The following OTOGL variants were observed in gnomAD, a reference collection of about 807,000 sequenced individuals.
OTOGL encodes the protein otogelin like.
In OTOGL, 285 loss-of-function variants were observed where a neutral mutation model predicts 318.5. The ratio of observed to expected loss-of-function variants is 0.89; its 90% CI spans 0.81 to 0.99. The LOEUF (loss-of-function observed/expected upper bound fraction) is 0.99, where lower values mean the gene tolerates loss of function less well. Ranked by LOEUF, OTOGL falls within the 50% of genes least tolerant of loss-of-function variation. The probability of loss-of-function intolerance (pLI) is 0.00; values close to 1 mark genes in which losing one functional copy is unlikely to be tolerated. For synonymous variants in OTOGL, 987 were observed against 936.5 expected (o/e 1.05, Z -0.99); for missense variants, 2,899 against 2,845.6 (o/e 1.02, Z -0.43).
At chr12:80,242,353 G>A (rs1880454504) in intron 11 of OTOGL, among the ~76,000 whole-genome samples, 1 of 152,134 alleles carries the variant, frequency 6.6e-6, no homozygotes, top group Non-Finnish European at 1.5e-5. Flanking sequence ...TTGTGGTAGA[G>A]AGGCTGGGTT....
At position 80,353,418 on chromosome 12, in the gene OTOGL, C is replaced by A; in HGVS notation, c.5501C>A (p.Ser1834Tyr). Residue 1834 changes from serine to tyrosine, a missense_variant, in exon 46 of 59, where the codon TCC (serine) becomes TAC (tyrosine). Around this residue, in one of 3 missense-constraint regions of OTOGL, gnomAD observed 2,607 missense variants for 2,524.9 expected, o/e 1.03. Coordinates refer to ENST00000547103, the MANE Select transcript of OTOGL (RefSeq NM_001378609.3). Reference protein sequence around the residue: ...CLNQWFYGHTSCLNLREDCVC... With the variant: ...CLNQWFYGHTYCLNLREDCVC... ...AACCAATGGTTCTATGGACACACTT[C>A]CTGTTTGAATCTAAGAGAAGACTGT... is the stretch of plus-strand genomic sequence containing the variant. 1 of 1,603,838 alleles carries A rather than the reference C, an allele frequency of 6.2e-7. No individual in the cohort carries two copies. The highest frequency in any genetic ancestry group is 8.5e-7 in the Non-Finnish European group (1 of 1,174,708).
chr12:80,213,212 T>C (rs914823763), intron 4 of OTOGL, among the ~76,000 whole-genome samples: 6 of 152,234 alleles, frequency 3.9e-5, no homozygotes, highest in African/African-American at 4.8e-5. Flanking sequence ...TTTTAGACTA[T>C]ATAGGGTAAC....
chr12:80,305,307 G>A (rs1009542899), intron 28 of OTOGL, among the ~76,000 whole-genome samples: 3 of 152,064 alleles, frequency 2.0e-5, no homozygotes, highest in African/African-American at 7.2e-5. Context: ...AGTTATTTAT[G>A]TTATTAGTTG....
At chr12:80,167,697 A>T (rs960163049) in intron 1 of OTOGL, among the ~76,000 whole-genome samples, 7 of 152,146 alleles carry the variant, frequency 4.6e-5, no homozygotes, top group African/African-American at 1.7e-4. Flanking sequence ...AAGCTATAAA[A>T]TAATGGTGAA....
intron 1 of OTOGL, among the ~76,000 whole-genome samples, chr12:80,115,946 G>A (rs1870133024): frequency 6.6e-6 from 1 of 152,154 alleles, no homozygotes; most frequent in African/African-American, 2.4e-5. Context: ...TGCTGTGCTG[G>A]CAGCGAGAAT....
At position 80,244,944 on chromosome 12, in the gene OTOGL, T is replaced by C. The variant is rs200704362; in HGVS notation, c.1052+5505T>C. Among the ~76,000 whole-genome samples, 27 of 148,806 alleles carry C rather than the reference T, an allele frequency of 1.8e-4. No individual in the cohort carries two copies. The East Asian group carries it at 5.0e-3, about 28-fold the overall frequency. On this transcript the variant is annotated intron_variant, in intron 11 of 58. Coordinates refer to ENST00000547103, the MANE Select transcript of OTOGL (RefSeq NM_001378609.3). ...GATGATGAGCATTTTTTCATGTGTT[T>C]TTTGGCTGCATAAATGTCTTCTTTT...
At chr12:80,235,286 G>A (rs187336557) in intron 9 of OTOGL, among the ~76,000 whole-genome samples, 2 of 151,956 alleles carry the variant, frequency 1.3e-5, no homozygotes, top group African/African-American at 4.8e-5. Flanking sequence ...CCAACATGGT[G>A]AAACCCTGTC....
intron 11 of OTOGL, among the ~76,000 whole-genome samples, chr12:80,250,614 AT>A (rs1439530968): frequency 2.6e-5 from 4 of 152,068 alleles, no homozygotes; most frequent in African/African-American, 9.7e-5. Context: ...TAGAGTTTAT[AT>A]GCTCAGTCCT....
At chr12:80,144,204 C>G (rs1449131340) in intron 1 of OTOGL, among the ~76,000 whole-genome samples, 1 of 152,132 alleles carries the variant, frequency 6.6e-6, no homozygotes, top group Non-Finnish European at 1.5e-5. Context: ...TATCCCTTCC[C>G]ACTCCCCCCA....
At chr12:80,128,338 G>T (rs1216042888) in intron 1 of OTOGL, among the ~76,000 whole-genome samples, 1 of 152,226 alleles carries the variant, frequency 6.6e-6, no homozygotes, top group Non-Finnish European at 1.5e-5. Flanking sequence ...TTCAGCAGCG[G>T]AGGCTGCAGA....
intron 17 of OTOGL, among the ~76,000 whole-genome samples, chr12:80,256,965 AT>A (rs1284147216): frequency 6.6e-6 from 1 of 152,064 alleles, no homozygotes; most frequent in Non-Finnish European, 1.5e-5. Context: ...CCAGAACTAA[AT>A]TGGTTTTGCT....
intron 26 of OTOGL, among the ~76,000 whole-genome samples, chr12:80,291,223 A>G (rs1343274900): frequency 2.0e-5 from 3 of 152,218 alleles, no homozygotes; most frequent in Non-Finnish European, 2.9e-5. Flanking sequence ...AAGACGTACC[A>G]TAGTTTCTTT....
rs567368119 is a variant in OTOGL at position 80,271,211 on chromosome 12, A to G, written c.2519-437A>G. Among the ~76,000 whole-genome samples the G allele has an allele frequency of 6.6e-5, 10 of 152,152 alleles. No individual in the cohort carries two copies. In the East Asian group the frequency reaches 1.9e-3, roughly 30 times the overall value. The stretch of plus-strand genomic sequence containing the variant: ...GATTTTATCCCTTTGGCCCCACTTG[A>G]GGCAATTTATTTGATCTCTAAGAGC... On this transcript the variant is annotated intron_variant, in intron 23 of 58. Transcript: ENST00000547103.
chr12:80,233,557 A>C (rs1879570358), intron 9 of OTOGL, among the ~76,000 whole-genome samples: 1 of 152,226 alleles, frequency 6.6e-6, no homozygotes, highest in African/African-American at 2.4e-5. Context: ...TAGTTTTGCA[A>C]AAATAATCAA....
intron 52 of OTOGL, among the ~76,000 whole-genome samples, chr12:80,361,348 G>A (rs1401931739): frequency 1.3e-5 from 2 of 151,702 alleles, no homozygotes; most frequent in Non-Finnish European, 2.9e-5. Context: ...ATTGCATTGT[G>A]TATATATACC....
intron 53 of OTOGL, 23 bp downstream of exon 53, chr12:80,366,660 T>C: frequency 8.5e-7 from 1 of 1,175,848 alleles, no homozygotes; most frequent in Non-Finnish European, 1.1e-6. Flanking sequence ...TTTGTAACTT[T>C]TAAATTATAA....
chr12:80,235,008 G>A (rs934806178), intron 9 of OTOGL, among the ~76,000 whole-genome samples: 2 of 152,088 alleles, frequency 1.3e-5, no homozygotes, highest in African/African-American at 2.4e-5. Context: ...GCAATGAGAG[G>A]GGTCACAAAT....
intron 33 of OTOGL, 87 bp downstream of exon 33, chr12:80,318,800 T>C (rs887294479): frequency 9.0e-6 from 9 of 994,722 alleles, no homozygotes; most frequent in African/African-American, 3.4e-5. Flanking sequence ...GAATCTAATA[T>C]GTTTATGGTA....
intron 7 of OTOGL, among the ~76,000 whole-genome samples, chr12:80,226,226 C>A (rs2137376163): frequency 9.0e-6 from 1 of 111,548 alleles, no homozygotes; most frequent in East Asian, 2.7e-4. Context: ...ACACACACTT[C>A]CCTTCACTCC....
Sources: allele counts gnomAD v4.1 joint callset (sites outside exome capture counted in the v4.1 genomes callset), GRCh38; gene constraint gnomAD v4.1.1; regional missense constraint gnomAD v4.1.1; transcripts MANE v1.5; gene names NCBI Gene and HGNC (gene_info 2026-07-23, HGNC 2026-07-21).